The following MGAT4C variants were observed in gnomAD, a reference collection of about 807,000 sequenced individuals.
The protein encoded by MGAT4C is alpha-1,3-mannosyl-glycoprotein 4-beta-N-acetylglucosaminyltransferase C.
MGAT4C carries 19 observed loss-of-function variants against 40.1 expected under a neutral mutation model. The observed-to-expected ratio is 0.47, with a 90% CI of 0.33 to 0.70. The LOEUF (loss-of-function observed/expected upper bound fraction) is 0.70, where lower values mean the gene tolerates loss of function less well. Among genes scored for constraint, MGAT4C ranks in the 30% least tolerant of loss-of-function variants. MGAT4C has a pLI of 0.02. For missense variants in MGAT4C, 491 were observed against 563.2 expected, an observed-to-expected ratio of 0.87 and a Z score of 1.30; for synonymous variants, 181 against 187.1, an observed-to-expected ratio of 0.97 and a Z score of 0.27.
At chr12:86,609,077 A>T (rs1218183265) in intron 2 of MGAT4C, among the ~76,000 whole-genome samples, 2 of 152,194 alleles carry the variant, frequency 1.3e-5, no homozygotes, top group East Asian at 3.9e-4. Flanking sequence ...AAAATGCATT[A>T]TTAGGGTACA....
Position 85,973,435 on chromosome 12 carries a change from G to A in MGAT4C, c.*5854C>T, listed in dbSNP as rs570264052. On this transcript the variant is annotated 3_prime_UTR_variant, in exon 5 of 5. Coordinates refer to ENST00000611864, the MANE Select transcript of MGAT4C (RefSeq NM_001351288.2). The stretch of plus-strand genomic sequence containing the variant: ...ACAGTACATTGAAATTATAGACTAA[G>A]GTTCTGAATATTGGTAACTCACTGT... The A allele has an allele frequency of 6.6e-6, 1 of 150,682 alleles. No homozygotes were observed. The highest frequency in any genetic ancestry group is 2.4e-5 in the African/African-American group (1 of 41,386). The allele number at this position is 150,682 out of a possible 1,614,324, so 9.3% of individuals were successfully genotyped here.
At chr12:86,634,387 G>C (rs536211665) in intron 2 of MGAT4C, among the ~76,000 whole-genome samples, 1 of 152,088 alleles carries the variant, frequency 6.6e-6, no homozygotes, top group South Asian at 2.1e-4. Context: ...TTTAAGGTGT[G>C]TTGATTATCT....
At chr12:86,718,030 G>A (rs573122352) in intron 2 of MGAT4C, among the ~76,000 whole-genome samples, 97 of 152,188 alleles carry the variant, frequency 6.4e-4, no homozygotes, top group Middle Eastern at 3.4e-3. Context: ...GTCTGTAGAC[G>A]TTTTTGTTGG....
chr12:86,104,260 TAAA>T (rs34925997), intron 1 of MGAT4C, among the ~76,000 whole-genome samples: 12 of 142,018 alleles, frequency 8.4e-5, no homozygotes, highest in Admixed American at 7.0e-5. Context: ...CGTCTCTACT[TAAA>T]AAAAAAAAAA....
At chr12:86,486,732 C>T (rs968672777) in intron 2 of MGAT4C, among the ~76,000 whole-genome samples, 6 of 152,176 alleles carry the variant, frequency 3.9e-5, no homozygotes, top group African/African-American at 1.4e-4. Context: ...GTGGACCTAA[C>T]AGACATCTAG....
At chr12:86,102,993 A>T (rs1875395139) in intron 1 of MGAT4C, among the ~76,000 whole-genome samples, 1 of 152,206 alleles carries the variant, frequency 6.6e-6, no homozygotes, top group South Asian at 2.1e-4. Context: ...ATTTATAAAA[A>T]GAAATACATT....
chr12:86,043,340 A>G (rs1283362686), intron 2 of MGAT4C, among the ~76,000 whole-genome samples: 2 of 152,206 alleles, frequency 1.3e-5, no homozygotes, highest in Non-Finnish European at 2.9e-5. Context: ...CTAACAGTGC[A>G]GCCTTCAGTC....
At chr12:86,482,810 G>GA (rs1313994318) in intron 2 of MGAT4C, among the ~76,000 whole-genome samples, 1 of 152,118 alleles carries the variant, frequency 6.6e-6, no homozygotes, top group African/African-American at 2.4e-5. Context: ...TTAGGTCACA[G>GA]AATTTACAAT....
Position 85,959,785 on chromosome 12 carries a change from G to A in MGAT4C, c.*19504C>T, listed in dbSNP as rs969543437. The A allele has an allele frequency of 6.3e-5, 9 of 143,412 alleles. No individual in the cohort carries two copies. The highest frequency in any genetic ancestry group is 3.5e-4 in the Admixed American group (5 of 14,138). The allele number at this position is 143,412 out of a possible 1,614,324, so 8.9% of individuals were successfully genotyped here. On this transcript the variant is annotated 3_prime_UTR_variant, in exon 5 of 5. Transcript: ENST00000611864. ...TTCTTCTGGGTTAACTCTTTTTTAT[G>A]TTAACTGAATCAATTTTGGCTTTGT...
At chr12:86,197,863 A>G (rs906876497) in intron 1 of MGAT4C, among the ~76,000 whole-genome samples, 2 of 152,212 alleles carry the variant, frequency 1.3e-5, no homozygotes, top group African/African-American at 4.8e-5. Flanking sequence ...AACTTCAGCA[A>G]GAATATCTCT....
chr12:86,265,317 AGAGGTTCCCAGCTGGC>A (rs1269867935), intron 4 of MGAT4C, among the ~76,000 whole-genome samples: 1 of 152,228 alleles, frequency 6.6e-6, no homozygotes, highest in Non-Finnish European at 1.5e-5. Context: ...CACCAGCCAC[AGAGGTTCCCAGCTGGC>A]GAAACAACAC....
At chr12:86,407,226 A>G (rs1422520356) in intron 3 of MGAT4C, among the ~76,000 whole-genome samples, 1 of 152,140 alleles carries the variant, frequency 6.6e-6, no homozygotes, top group Non-Finnish European at 1.5e-5. Context: ...GTTAATATTT[A>G]TCATTTTTCA....
chr12:86,674,316 C>A (rs559528596), intron 2 of MGAT4C, among the ~76,000 whole-genome samples: 1 of 152,130 alleles, frequency 6.6e-6, no homozygotes, highest in African/African-American at 2.4e-5. Context: ...TCCAGAAATT[C>A]TTGGGTAAAG....
At position 86,521,645 on chromosome 12, in the gene MGAT4C, A is replaced by G. The variant is rs1451315552; in HGVS notation, c.-228-86380T>C. ...TGAAGAGCATCATTGGTACTTTAAT[A>G]AGAATAATATTTAATATATAAATAT... On this transcript the variant is annotated intron_variant, in intron 2 of 7. Transcript: ENST00000548651. Among the ~76,000 whole-genome samples, 5 of 151,888 alleles carry G rather than the reference A, an allele frequency of 3.3e-5. No homozygotes were observed. In the East Asian group the frequency reaches 9.6e-4, roughly 29 times the overall value.
intron 1 of MGAT4C, among the ~76,000 whole-genome samples, chr12:86,751,571 G>C (rs1160658940): frequency 6.6e-6 from 1 of 151,962 alleles, no homozygotes; most frequent in Non-Finnish European, 1.5e-5. Flanking sequence ...AATTTAAAGT[G>C]ACTTATATTT....
intron 1 of MGAT4C, among the ~76,000 whole-genome samples, chr12:86,254,743 CTA>C (rs1333554810): frequency 2.6e-5 from 4 of 151,988 alleles, no homozygotes; most frequent in African/African-American, 9.7e-5. Flanking sequence ...AAAATTGACT[CTA>C]GATGTATATT....
chr12:86,097,434 TA>T (rs1874137853), intron 1 of MGAT4C, among the ~76,000 whole-genome samples: 1 of 151,708 alleles, frequency 6.6e-6, no homozygotes, highest in Non-Finnish European at 1.5e-5. Flanking sequence ...ACATGTTGAT[TA>T]ATTACTGGTA....
At chr12:86,727,846 A>G (rs1263331826) in intron 1 of MGAT4C, among the ~76,000 whole-genome samples, 1 of 152,076 alleles carries the variant, frequency 6.6e-6, no homozygotes, top group Non-Finnish European at 1.5e-5. Flanking sequence ...ATTCACAGCC[A>G]TTACTTGTAA....
chr12:86,797,578 C>A (rs1952149646), intron 1 of MGAT4C, among the ~76,000 whole-genome samples: 2 of 151,910 alleles, frequency 1.3e-5, no homozygotes, highest in Non-Finnish European at 2.9e-5. Context: ...ATGGAGACCA[C>A]AGGCAGCTGT....
Sources: allele counts gnomAD v4.1 joint callset (sites outside exome capture counted in the v4.1 genomes callset), GRCh38; gene constraint gnomAD v4.1.1; transcripts MANE v1.5; gene names NCBI Gene and HGNC (gene_info 2026-07-23, HGNC 2026-07-21).